Variants in FAM53B observed in about 807,000 individuals in gnomAD.
The protein encoded by FAM53B is family with sequence similarity 53 member B, also known as protein FAM53B.
FAM53B carries 12 observed loss-of-function variants against 32.7 expected under a neutral mutation model. The ratio of observed to expected loss-of-function variants is 0.37; its 90% CI spans 0.24 to 0.59. The LOEUF is 0.59. Among genes scored for constraint, FAM53B ranks in the 20% least tolerant of loss-of-function variants. FAM53B has a pLI of 0.72. For synonymous variants in FAM53B, 234 were observed against 228.7 expected (o/e 1.02, Z -0.21); for missense variants, 477 against 577.7 (o/e 0.83, Z 1.79).
Position 124,682,282 on chromosome 10 carries a change from T to A in FAM53B, c.231A>T (p.Ser77=), listed in dbSNP as rs1296770570. Reference sequence around the variant, plus strand: ...CGGTCACTGCCTCCCGGTGCCATAGTGAGCTGTCCTTTTCAGGCAGGCATT... The same window carrying A: ...CGGTCACTGCCTCCCGGTGCCATAGAGAGCTGTCCTTTTCAGGCAGGCATT... ...IWECLPEKDS[S]LWHREAVTAC... The change falls in exon 4 of 5, where the codon TCA becomes TCT. Residue 77 remains serine, a synonymous_variant. Coordinates refer to ENST00000337318, the MANE Select transcript of FAM53B (RefSeq NM_014661.4). The surrounding 1 kb of genome is among the most constrained non-coding windows in gnomAD (Gnocchi z 5.2). The A allele has an allele frequency of 3.1e-6, 5 of 1,613,986 alleles. No homozygotes were observed. The African/African-American group carries it at 4.0e-5, about 13-fold the overall frequency.
chr10:124,635,567 G>A (rs1174054047), intron 4 of FAM53B, among the ~76,000 whole-genome samples: 1 of 152,214 alleles, frequency 6.6e-6, no homozygotes, highest in Non-Finnish European at 1.5e-5. Flanking sequence ...GAGAGGTGGG[G>A]TGGGAAACAA....
At chr10:124,625,454 G>A (rs556673091) in intron 4 of FAM53B, among the ~76,000 whole-genome samples, 33 of 152,280 alleles carry the variant, frequency 2.2e-4, no homozygotes, top group African/African-American at 6.5e-4. Context: ...GATGCAGCCC[G>A]GTGGTGTGCA....
chr10:124,688,260 C>T (rs1209023289), intron 3 of FAM53B, among the ~76,000 whole-genome samples: 1 of 152,214 alleles, frequency 6.6e-6, no homozygotes, highest in Non-Finnish European at 1.5e-5. Flanking sequence ...TGACACCAAG[C>T]CCCTGGCAGA....
chr10:124,732,995 G>C (rs2075904343), intron 1 of FAM53B, among the ~76,000 whole-genome samples: 1 of 152,168 alleles, frequency 6.6e-6, no homozygotes, highest in Admixed American at 6.6e-5. Context: ...GGCCTATGCG[G>C]ACGCAGCCAG....
intron 1 of FAM53B, among the ~76,000 whole-genome samples, chr10:124,740,448 C>T (rs112920608): frequency 2.6e-5 from 4 of 152,154 alleles, no homozygotes; most frequent in South Asian, 2.1e-4. Flanking sequence ...ATGTAAACTG[C>T]GCTACAACAA....
At chr10:124,686,374 A>G (rs908434803) in intron 3 of FAM53B, among the ~76,000 whole-genome samples, 2 of 152,204 alleles carry the variant, frequency 1.3e-5, no homozygotes, top group Non-Finnish European at 2.9e-5. Flanking sequence ...GTCGTAGGGA[A>G]GATTCGAAGA....
rs150011165 is a variant in FAM53B at position 124,650,371 on chromosome 10, C to A, written c.907-26767G>T. Reference sequence around the variant, plus strand: ...CTAAGCGTTCCAGTTGGACCCTCCACGCTGGATGATGACAATGATGGTGGT... The same window carrying A: ...CTAAGCGTTCCAGTTGGACCCTCCAAGCTGGATGATGACAATGATGGTGGT... On this transcript the variant is annotated intron_variant, in intron 4 of 4. Transcript: ENST00000337318. Among the ~76,000 whole-genome samples, 5 of 152,324 alleles carry A rather than the reference C, an allele frequency of 3.3e-5. No individual in the cohort carries two copies. The East Asian group carries it at 9.6e-4, about 29-fold the overall frequency.
At chr10:124,656,075 G>A (rs1448528967) in intron 4 of FAM53B, among the ~76,000 whole-genome samples, 1 of 152,212 alleles carries the variant, frequency 6.6e-6, no homozygotes, top group Non-Finnish European at 1.5e-5. Context: ...CACACAGTAG[G>A]TCCCAGAAAG....
chr10:124,673,972 C>G (rs1949722226), intron 4 of FAM53B, among the ~76,000 whole-genome samples: 1 of 152,228 alleles, frequency 6.6e-6, no homozygotes, highest in Non-Finnish European at 1.5e-5. Flanking sequence ...CACCACACAG[C>G]CAGGTGGCAG....
rs528148308 is a variant in FAM53B at position 124,726,395 on chromosome 10, G to T, written c.-175+17618C>A. ...TAGAATGCACTGAAGGAGAACAGTG[G>T]CATCGTCAGAGCCTTGGCCTAGCAG... On this transcript the variant is annotated intron_variant, in intron 1 of 4. Transcript: ENST00000337318. Among the ~76,000 whole-genome samples the T allele has an allele frequency of 7.4e-4, 113 of 152,306 alleles. 3 individuals are homozygous for T. The South Asian group carries it at 0.023, about 30-fold the overall frequency.
At chr10:124,660,450 C>T (rs1443885208) in intron 4 of FAM53B, among the ~76,000 whole-genome samples, 1 of 152,222 alleles carries the variant, frequency 6.6e-6, no homozygotes, top group Non-Finnish European at 1.5e-5. Context: ...TTGAATACAA[C>T]TCACCCTGAT....
chr10:124,669,461 GGGA>G (rs1223107530), intron 4 of FAM53B, among the ~76,000 whole-genome samples: 1 of 152,192 alleles, frequency 6.6e-6, no homozygotes, highest in African/African-American at 2.4e-5. Flanking sequence ...CTCAAGGGCT[GGGA>G]GGAGAAGTCA....
chr10:124,655,284 C>T (rs1191240490), intron 4 of FAM53B, among the ~76,000 whole-genome samples: 3 of 152,170 alleles, frequency 2.0e-5, no homozygotes, highest in Non-Finnish European at 4.4e-5. Flanking sequence ...CACCCAGTCT[C>T]ACACAGCAGG....
intron 4 of FAM53B, among the ~76,000 whole-genome samples, chr10:124,657,174 G>GTGTATA (rs1564869784): frequency 6.0e-5 from 1 of 16,594 alleles, no homozygotes; most frequent in East Asian, 5.0e-3. Flanking sequence ...ATATATATAT[G>GTGTATA]TACATATATA....
At chr10:124,625,190 A>G (rs970964933) in intron 4 of FAM53B, among the ~76,000 whole-genome samples, 2 of 152,216 alleles carry the variant, frequency 1.3e-5, no homozygotes, top group Non-Finnish European at 2.9e-5. Flanking sequence ...TGGGAAATAA[A>G]AGGCGCTCTC....
intron 1 of FAM53B, among the ~76,000 whole-genome samples, chr10:124,727,153 G>T (rs1216856490): frequency 6.6e-6 from 1 of 152,100 alleles, no homozygotes. Context: ...CAGTTGCTGG[G>T]ACCACAGGTG....
At chr10:124,636,078 A>C (rs1949429343) in intron 4 of FAM53B, among the ~76,000 whole-genome samples, 1 of 152,202 alleles carries the variant, frequency 6.6e-6, no homozygotes, top group Non-Finnish European at 1.5e-5. Flanking sequence ...CTGTCCGAAA[A>C]TGAAATGCCA....
intron 1 of FAM53B, among the ~76,000 whole-genome samples, chr10:124,740,168 AG>A (rs1589770250): frequency 6.6e-6 from 1 of 152,278 alleles, no homozygotes; most frequent in East Asian, 1.9e-4. Context: ...AGGATCTCAG[AG>A]AACTTTCTTA....
At chr10:124,629,202 T>C (rs528190091) in intron 4 of FAM53B, among the ~76,000 whole-genome samples, 89 of 151,796 alleles carry the variant, frequency 5.9e-4, no homozygotes, top group African/African-American at 2.2e-3. Context: ...GGAGGGGTGG[T>C]TGTTGGGGAC....
Sources: allele counts gnomAD v4.1 joint callset (sites outside exome capture counted in the v4.1 genomes callset), GRCh38; gene constraint gnomAD v4.1.1; non-coding constraint Gnocchi (gnomAD v3.1); transcripts MANE v1.5; gene names NCBI Gene and HGNC (gene_info 2026-07-23, HGNC 2026-07-21).